The following ADAM10 variants were observed in gnomAD, a reference collection of about 807,000 sequenced individuals.
The protein encoded by ADAM10 is disintegrin and metalloproteinase domain-containing protein 10.
Under a neutral mutation model 90.1 loss-of-function variants are expected in ADAM10, and 17 were observed. That is an observed-to-expected ratio of 0.19 (90% CI 0.13 to 0.28). The LOEUF (loss-of-function observed/expected upper bound fraction) is 0.28. Among genes scored for constraint, ADAM10 ranks in the 10% least tolerant of loss-of-function variants. The pLI, the probability that ADAM10 is intolerant of heterozygous loss-of-function variation, is 1.00. For synonymous variants in ADAM10, 310 were observed against 298.6 expected (o/e 1.04, Z -0.40); for missense variants, 610 against 914.3 (o/e 0.67, Z 4.29).
intron 2 of ADAM10, among the ~76,000 whole-genome samples, chr15:58,693,802 A>T (rs12912003): frequency 0.44 from 66,050 of 149,082 alleles, 17,266 homozygotes; most frequent in East Asian, 0.84. Context: ...GGGAGAAAAC[A>T]TTTGCAATAC....
intron 2 of ADAM10, chr15:58,686,354 C>A: frequency 1.4e-6 from 1 of 722,462 alleles, no homozygotes; most frequent in Non-Finnish European, 2.4e-6. Context: ...CTACTTCAAA[C>A]CTATCCTAAT....
At chr15:58,672,909 G>C (rs1415151987) in intron 4 of ADAM10, 2 of 182,150 alleles carry the variant, frequency 1.1e-5, no homozygotes, top group Non-Finnish European at 1.2e-5. Context: ...AGAGAAGAAA[G>C]ATGAAGATGA....
intron 1 of ADAM10, among the ~76,000 whole-genome samples, chr15:58,729,958 T>TAAA (rs776357246): frequency 0.072 from 8,277 of 114,190 alleles, 295 homozygotes; most frequent in East Asian, 0.17. Flanking sequence ...CGAGGCTCTG[T>TAAA]AAAAAAAAAC....
intron 1 of ADAM10, among the ~76,000 whole-genome samples, chr15:58,744,667 A>G (rs73426562): frequency 0.011 from 1,733 of 152,318 alleles, 37 homozygotes; most frequent in African/African-American, 0.04. Flanking sequence ...GGAGATAGTA[A>G]ATGTGTCTAC....
At chr15:58,655,723 A>G (rs189103753) in intron 5 of ADAM10, among the ~76,000 whole-genome samples, 1,089 of 78,074 alleles carry the variant, frequency 0.014, 69 homozygotes, top group Admixed American at 0.024. Flanking sequence ...ATATATATAT[A>G]TATATATATA....
At chr15:58,710,900 T>G (rs1184321416) in intron 2 of ADAM10, among the ~76,000 whole-genome samples, 2 of 152,200 alleles carry the variant, frequency 1.3e-5, no homozygotes, top group Non-Finnish European at 2.9e-5. Flanking sequence ...GCTACCTGAC[T>G]CATGATATAA....
chr15:58,700,907 A>C (rs1046083743), intron 2 of ADAM10, among the ~76,000 whole-genome samples: 1 of 150,610 alleles, frequency 6.6e-6, no homozygotes, highest in African/African-American at 2.4e-5. Flanking sequence ...TGGGAGGCTG[A>C]GGTGGAAGGA....
At chr15:58,627,649 G>T (rs747373193) in intron 10 of ADAM10, 51 bp downstream of exon 10, 2 of 1,525,084 alleles carry the variant, frequency 1.3e-6, no homozygotes, top group Admixed American at 1.7e-5. Flanking sequence ...CTTTCAAGTT[G>T]TCTGAATGTT....
intron 5 of ADAM10, among the ~76,000 whole-genome samples, chr15:58,649,718 A>C (rs775721307): frequency 1.3e-5 from 2 of 152,146 alleles, no homozygotes; most frequent in African/African-American, 2.4e-5. Context: ...TTTTAAGATT[A>C]TATCTTTGGC....
At chr15:58,736,888 G>A (rs1460237434) in intron 1 of ADAM10, among the ~76,000 whole-genome samples, 1 of 151,860 alleles carries the variant, frequency 6.6e-6, no homozygotes, top group Non-Finnish European at 1.5e-5. Context: ...GATTGTTTAG[G>A]AGGATCACTT....
chr15:58,603,070 A>G (rs1362386005), intron 14 of ADAM10, among the ~76,000 whole-genome samples: 4 of 152,202 alleles, frequency 2.6e-5, no homozygotes, highest in Non-Finnish European at 5.9e-5. Flanking sequence ...CTACTTTCTA[A>G]AAGCCACTTC....
chr15:58,712,692 G>C (rs1898515062), intron 2 of ADAM10, among the ~76,000 whole-genome samples: 1 of 151,954 alleles, frequency 6.6e-6, no homozygotes, highest in South Asian at 2.1e-4. Context: ...CGGGAGCGGT[G>C]GTGGGCGCCT....
At chr15:58,621,686 A>G (rs1895791615) in intron 10 of ADAM10, 65 bp from the exon 11 acceptor site, 2 of 1,580,866 alleles carry the variant, frequency 1.3e-6, no homozygotes, top group East Asian at 2.2e-5. Context: ...TAAAATTCAC[A>G]AATTCTTTAG....
chr15:58,628,806 G>T (rs1896021609), intron 9 of ADAM10, among the ~76,000 whole-genome samples: 1 of 152,150 alleles, frequency 6.6e-6, no homozygotes, highest in Non-Finnish European at 1.5e-5. Flanking sequence ...TCTCAAGAAA[G>T]AAAAAGACTG....
At chr15:58,639,061 T>A (rs1896347894) in intron 8 of ADAM10, among the ~76,000 whole-genome samples, 1 of 150,846 alleles carries the variant, frequency 6.6e-6, no homozygotes, top group South Asian at 2.2e-4. Flanking sequence ...AGTCTGTAAC[T>A]GAAAATGCAA....
At chr15:58,675,144 G>A (rs1402134494) in intron 4 of ADAM10, among the ~76,000 whole-genome samples, 1 of 152,248 alleles carries the variant, frequency 6.6e-6, no homozygotes. Context: ...GTTGCAGTGA[G>A]CTGAGATGGC....
intron 1 of ADAM10, among the ~76,000 whole-genome samples, chr15:58,735,301 A>C (rs776226944): frequency 7.2e-5 from 11 of 152,146 alleles, no homozygotes; most frequent in Non-Finnish European, 1.0e-4. Flanking sequence ...AGGTTCTTTC[A>C]TCACTATTAG....
In ADAM10 at chr15:58,624,146, C is replaced by T. The variant is rs146653317; in HGVS notation, c.1361-2525G>A. On this transcript the variant is annotated intron_variant, in intron 10 of 15. Coordinates refer to ENST00000260408, the MANE Select transcript of ADAM10 (RefSeq NM_001110.4). ...TAAAAATACAAAAAAACCAGCTAGG[C>T]GTGGTGGCGCACTCCTGCAGCCCCA... is the stretch of plus-strand genomic sequence containing the variant. Among the ~76,000 whole-genome samples, 214 of 151,940 alleles carry T rather than the reference C, an allele frequency of 1.4e-3. 1 individual carries two copies. The highest frequency in any genetic ancestry group is 4.8e-3 in the African/African-American group (197 of 41,460).
chr15:58,729,762 G>C (rs1338271392), intron 1 of ADAM10, among the ~76,000 whole-genome samples: 1 of 152,136 alleles, frequency 6.6e-6, no homozygotes, highest in Non-Finnish European at 1.5e-5. Flanking sequence ...TCAGGAGTTT[G>C]AGACAGCCTG....
Sources: allele counts gnomAD v4.1 joint callset (sites outside exome capture counted in the v4.1 genomes callset), GRCh38; gene constraint gnomAD v4.1.1; transcripts MANE v1.5; gene names NCBI Gene and HGNC (gene_info 2026-07-23, HGNC 2026-07-21).